The following TXNRD1 variants were observed in gnomAD, a reference collection of about 807,000 sequenced individuals.
TXNRD1 encodes thioredoxin reductase 1, also known as thioredoxin reductase 1, cytoplasmic.
TXNRD1 carries 57 observed loss-of-function variants against 80.3 expected under a neutral mutation model. The observed-to-expected ratio is 0.71, with a 90% confidence interval of 0.57 to 0.89. The LOEUF (loss-of-function observed/expected upper bound fraction) is 0.89. Ranked by LOEUF, TXNRD1 falls within the 40% of genes least tolerant of loss-of-function variation. The pLI, the probability that TXNRD1 is intolerant of heterozygous loss-of-function variation, is 0.00. For synonymous variants in TXNRD1, 291 were observed against 285.2 expected (o/e 1.02, Z -0.20); for missense variants, 730 against 803.0 (o/e 0.91, Z 1.10).
At chr12:104,252,687 T>G (rs1314869189) in intron 2 of TXNRD1, among the ~76,000 whole-genome samples, 1 of 87,034 alleles carries the variant, frequency 1.1e-5, no homozygotes, top group African/African-American at 4.7e-5. Flanking sequence ...TATATATATA[T>G]ATATTTTTTT....
chr12:104,303,771 A>C (rs2034746793), intron 4 of TXNRD1: 2 of 1,214,920 alleles, frequency 1.6e-6, no homozygotes, highest in African/African-American at 1.6e-5. Flanking sequence ...AACTGCCGCC[A>C]CTTTCCACAC....
chr12:104,339,316 G>T (rs1224260894), intron 16 of TXNRD1, 43 bp downstream of exon 16: 2 of 1,611,822 alleles, frequency 1.2e-6, no homozygotes, highest in South Asian at 2.2e-5. Context: ...TTTAAAATGT[G>T]CCACATAGAA....
intron 1 of TXNRD1, among the ~76,000 whole-genome samples, chr12:104,246,743 G>C (rs1194687040): frequency 1.3e-5 from 2 of 151,720 alleles, no homozygotes; most frequent in African/African-American, 4.8e-5. Context: ...GGATGGTCTC[G>C]ATCTCCTGAC....
chr12:104,338,950 T>A (rs2036234866), intron 15 of TXNRD1, among the ~76,000 whole-genome samples, 189 bp from the exon 16 acceptor site: 1 of 152,062 alleles, frequency 6.6e-6, no homozygotes, highest in South Asian at 2.1e-4. Flanking sequence ...CCTCCTGACC[T>A]CGTGATCCAC....
At chr12:104,325,461 A>G in intron 11 of TXNRD1, 32 bp downstream of exon 11, 2 of 1,501,944 alleles carry the variant, frequency 1.3e-6, no homozygotes, top group Non-Finnish European at 1.8e-6. Flanking sequence ...ATACTTTATC[A>G]GAAAGCAAAT....
At chr12:104,305,910 T>C (rs935509306) in intron 4 of TXNRD1, among the ~76,000 whole-genome samples, 1 of 152,174 alleles carries the variant, frequency 6.6e-6, no homozygotes, top group African/African-American at 2.4e-5. Context: ...TTTCTATCTT[T>C]TTTTTTCCCC....
At chr12:104,343,424 G>C (rs1387638967) in intron 16 of TXNRD1, among the ~76,000 whole-genome samples, 1 of 152,152 alleles carries the variant, frequency 6.6e-6, no homozygotes, top group Non-Finnish European at 1.5e-5. Flanking sequence ...CACAGACCTG[G>C]GTTGTAATCT....
At chr12:104,257,387 A>G (rs1035355945) in intron 2 of TXNRD1, among the ~76,000 whole-genome samples, 2 of 147,884 alleles carry the variant, frequency 1.4e-5, no homozygotes, top group African/African-American at 5.0e-5. Context: ...CTTTGGAAAC[A>G]TTAAGTGTTC....
chr12:104,267,284 C>CTTTCTTTCTTTCTTTCA (rs2033524577), intron 3 of TXNRD1, among the ~76,000 whole-genome samples: 1 of 9,220 alleles, frequency 1.1e-4, no homozygotes. Flanking sequence ...TCTTTCTTTC[C>CTTTCTTTCTTTCTTTCA]TCTTTCTGTC....
intron 4 of TXNRD1, among the ~76,000 whole-genome samples, chr12:104,299,311 T>C (rs10861187): frequency 0.48 from 72,873 of 151,554 alleles, 18,095 homozygotes; most frequent in East Asian, 0.62. Context: ...TAGGTCAAGA[T>C]TGGAACCCAG....
chr12:104,237,143 T>G (rs926337579), intron 1 of TXNRD1, among the ~76,000 whole-genome samples: 1 of 152,218 alleles, frequency 6.6e-6, no homozygotes, highest in South Asian at 2.1e-4. Context: ...GGCTCTGTAC[T>G]GTTATGTATT....
At position 104,225,330 on chromosome 12, in the gene TXNRD1, G is replaced by A. The variant is rs543067033; in HGVS notation, c.91+9437G>A. Among the ~76,000 whole-genome samples the A allele has an allele frequency of 5.3e-5, 8 of 152,322 alleles. No individual in the cohort carries two copies. The South Asian group carries it at 1.5e-3, about 28-fold the overall frequency. The stretch of plus-strand genomic sequence containing the variant: ...GCATACAACTATTAAGTAGTGGAGC[G>A]AGGATTCTCATGCTGGAAGCTAGTG... On this transcript the variant is annotated intron_variant, in intron 1 of 16. Transcript: ENST00000525566.
intron 1 of TXNRD1, chr12:104,224,838 C>T: frequency 2.2e-6 from 1 of 456,686 alleles, no homozygotes; most frequent in Non-Finnish European, 4.4e-6. Flanking sequence ...CCCTTGGAAA[C>T]TTCTTTTATC....
rs1349366231 is a variant in TXNRD1, at chr12:104,349,438, G to T, written c.*1017G>T. The stretch of plus-strand genomic sequence containing the variant: ...ATGATTTAGCTGTTTTGTGGTAATT[G>T]CTTTTTAAAGGAAGTTATTAATATC... On this transcript the variant is annotated 3_prime_UTR_variant, in exon 17 of 17. Coordinates refer to ENST00000525566, the MANE Select transcript of TXNRD1 (RefSeq NM_001093771.3). The T allele has an allele frequency of 2.0e-5, 3 of 152,582 alleles. No individual in the cohort carries two copies. The highest frequency in any genetic ancestry group is 4.4e-5 in the Non-Finnish European group (3 of 68,024). 9.5% of individuals were successfully genotyped at this position (152,582 alleles called of 1,614,324 possible).
intron 1 of TXNRD1, among the ~76,000 whole-genome samples, chr12:104,238,942 G>C (rs941831454): frequency 6.6e-6 from 1 of 152,026 alleles, no homozygotes; most frequent in African/African-American, 2.4e-5. Context: ...TGCCTCCCGG[G>C]TTCAAGTGAT....
chr12:104,305,154 TTTA>T (rs2034848605), intron 4 of TXNRD1: 3 of 464,792 alleles, frequency 6.5e-6, no homozygotes, highest in Non-Finnish European at 1.1e-5. Context: ...ATGGGAACGT[TTTA>T]TTGAATGCCC....
At chr12:104,235,358 G>A (rs936934771) in intron 1 of TXNRD1, among the ~76,000 whole-genome samples, 5 of 152,134 alleles carry the variant, frequency 3.3e-5, no homozygotes, top group Admixed American at 2.6e-4. Context: ...ACGGATGTGC[G>A]TTACAGATTG....
intron 16 of TXNRD1, 70 bp from the exon 17 acceptor site, chr12:104,348,283 A>G (rs1159094074): frequency 1.4e-6 from 2 of 1,461,730 alleles, no homozygotes; most frequent in Non-Finnish European, 1.9e-6. Context: ...ATATGGCATT[A>G]TCTGAACTGT....
chr12:104,304,053 T>G, intron 4 of TXNRD1: 2 of 1,613,610 alleles, frequency 1.2e-6, no homozygotes, highest in East Asian at 2.2e-5. Context: ...TGCCGCAGCA[T>G]CCGCAGGCAG....
Sources: allele counts gnomAD v4.1 joint callset (sites outside exome capture counted in the v4.1 genomes callset), GRCh38; gene constraint gnomAD v4.1.1; transcripts MANE v1.5; gene names NCBI Gene and HGNC (gene_info 2026-07-23, HGNC 2026-07-21).